IMMP2L: variants seen among roughly 807,000 people sequenced by gnomAD.
IMMP2L encodes the protein mitochondrial inner membrane protease subunit 2.
IMMP2L carries 18 observed loss-of-function variants against 19.3 expected under a neutral mutation model. The observed-to-expected ratio is 0.93, with a 90% CI of 0.64 to 1.38. The LOEUF is 1.38. Among genes scored for constraint, IMMP2L ranks in the 40% most tolerant of loss-of-function variants. The pLI is 0.00. For missense variants in IMMP2L, 233 were observed against 218.2 expected (o/e 1.07, Z -0.43); for synonymous variants, 76 against 73.0 (o/e 1.04, Z -0.21).
intron 3 of IMMP2L, among the ~76,000 whole-genome samples, chr7:110,996,632 T>A (rs969089695): frequency 2.6e-5 from 4 of 152,090 alleles, no homozygotes; most frequent in African/African-American, 9.7e-5. Flanking sequence ...ATATTTAAAA[T>A]CCTCTTTTTT....
intron 3 of IMMP2L, among the ~76,000 whole-genome samples, chr7:111,476,292 A>G (rs1841719826): frequency 6.6e-6 from 1 of 152,174 alleles, no homozygotes; most frequent in South Asian, 2.1e-4. Context: ...TGTTTCACAG[A>G]AAAGAAAATA....
At chr7:111,149,606 G>T (rs757654314) in intron 3 of IMMP2L, among the ~76,000 whole-genome samples, 42 of 151,934 alleles carry the variant, frequency 2.8e-4, no homozygotes, top group Admixed American at 4.6e-4. Flanking sequence ...TAGACTAATT[G>T]GTTCATCTGA....
intron 3 of IMMP2L, among the ~76,000 whole-genome samples, chr7:111,324,641 G>A (rs748967286): frequency 1.5e-4 from 23 of 151,656 alleles, no homozygotes; most frequent in Admixed American, 6.6e-5. Context: ...ATGTTTAAGT[G>A]TAATATATTC....
intron 3 of IMMP2L, among the ~76,000 whole-genome samples, chr7:111,105,835 A>T (rs1427776471): frequency 6.6e-6 from 1 of 151,888 alleles, no homozygotes; most frequent in African/African-American, 2.4e-5. Context: ...TGATAGGGCC[A>T]TTGTCTTTTA....
intron 3 of IMMP2L, among the ~76,000 whole-genome samples, chr7:111,396,857 G>T (rs1448030449): frequency 1.3e-5 from 2 of 151,988 alleles, no homozygotes; most frequent in East Asian, 3.9e-4. Context: ...GGCCGAGGAG[G>T]GCGGATCACA....
chr7:110,886,689 T>TA lies in IMMP2L; in HGVS notation c.311dup (p.Gly105ArgfsTer17). 6.4e-7 allele frequency: 1 copy of TA among 1,559,678 alleles called. No individual in the cohort carries two copies. The highest frequency in any genetic ancestry group is 8.8e-7 in the Non-Finnish European group (1 of 1,131,048). On this transcript the variant is annotated frameshift_variant, in exon 5 of 6. Transcript: ENST00000405709. LOFTEE classifies it high-confidence loss of function. ...CTTTGACATACCGGTTTTTGTGTCC[T>TA]ATGGTTCTGGAAATAAACAGTGTAA...
chr7:110,869,070 G>A (rs1808290016), intron 5 of IMMP2L, among the ~76,000 whole-genome samples: 1 of 152,004 alleles, frequency 6.6e-6, no homozygotes, highest in South Asian at 2.1e-4. Context: ...TATATAAATA[G>A]TTTCTTCAGC....
At position 111,495,267 on chromosome 7, in the gene IMMP2L, T is replaced by C. The variant is rs544939526; in HGVS notation, c.136-7926A>G. Among the ~76,000 whole-genome samples the C allele has an allele frequency of 1.9e-4, 29 of 152,276 alleles. No homozygotes were observed. The South Asian group carries it at 2.5e-3, about 13-fold the overall frequency. ...CACACCTTGTTTTCCTCTGGCTCAG[T>C]TGTATCTCACAAATTGTTTTTTATA... On this transcript the variant is annotated intron_variant, in intron 2 of 5. Transcript: ENST00000405709.
At chr7:110,680,081 G>A (rs538250253) in intron 5 of IMMP2L, among the ~76,000 whole-genome samples, 20 of 152,172 alleles carry the variant, frequency 1.3e-4, no homozygotes, top group African/African-American at 4.8e-4. Flanking sequence ...AGTTCAAGTT[G>A]CTGGCAATTT....
chr7:111,484,613 A>G (rs1192334014), intron 3 of IMMP2L, among the ~76,000 whole-genome samples: 1 of 152,176 alleles, frequency 6.6e-6, no homozygotes, highest in Non-Finnish European at 1.5e-5. Flanking sequence ...ATTATCATCT[A>G]TGTTAAAAAC....
chr7:111,442,068 C>T (rs928158269), intron 3 of IMMP2L, among the ~76,000 whole-genome samples: 2 of 151,442 alleles, frequency 1.3e-5, no homozygotes, highest in East Asian at 1.9e-4. Context: ...ACCCAGGAAG[C>T]GGAGATTGCA....
At chr7:111,441,943 C>A (rs1258707789) in intron 3 of IMMP2L, among the ~76,000 whole-genome samples, 2 of 151,590 alleles carry the variant, frequency 1.3e-5, no homozygotes, top group African/African-American at 2.4e-5. Context: ...TCGAGACCAC[C>A]CTGGCCAACA....
At chr7:110,938,826 A>G (rs890456697) in intron 4 of IMMP2L, among the ~76,000 whole-genome samples, 13 of 152,290 alleles carry the variant, frequency 8.5e-5, no homozygotes, top group African/African-American at 3.1e-4. Context: ...AGAAGATGAG[A>G]TAGCAGGGAG....
chr7:111,331,578 A>G (rs1198510305), intron 3 of IMMP2L, among the ~76,000 whole-genome samples: 2 of 151,948 alleles, frequency 1.3e-5, no homozygotes, highest in Non-Finnish European at 2.9e-5. Flanking sequence ...TCTCACCACA[A>G]AAAAAGGTAT....
At chr7:110,680,075 C>A (rs1756602326) in intron 5 of IMMP2L, among the ~76,000 whole-genome samples, 1 of 152,134 alleles carries the variant, frequency 6.6e-6, no homozygotes, top group South Asian at 2.1e-4. Context: ...AAACAGAGTT[C>A]AAGTTGCTGG....
chr7:110,798,218 T>C (rs1249521771), intron 5 of IMMP2L, among the ~76,000 whole-genome samples: 1 of 151,932 alleles, frequency 6.6e-6, no homozygotes, highest in Non-Finnish European at 1.5e-5. Flanking sequence ...GCACTGTGAT[T>C]AACTAATTCA....
rs201762254 is a variant in IMMP2L at position 111,514,481 on chromosome 7, C to A, written c.135+6832G>T. Among the ~76,000 whole-genome samples the A allele has an allele frequency of 1.1e-4, 16 of 152,058 alleles. No homozygotes were observed. The East Asian group carries it at 2.7e-3, about 26-fold the overall frequency. On this transcript the variant is annotated intron_variant, in intron 2 of 5. Coordinates refer to ENST00000405709, the MANE Select transcript of IMMP2L (RefSeq NM_032549.4). Reference sequence around the variant, plus strand: ...CATGTATACATATGTAACAAACCTGCACATTGTGCACATGTACCCTAAAAC... The same window carrying A: ...CATGTATACATATGTAACAAACCTGAACATTGTGCACATGTACCCTAAAAC...
At chr7:110,912,490 C>T (rs1436391296) in intron 4 of IMMP2L, among the ~76,000 whole-genome samples, 1 of 151,746 alleles carries the variant, frequency 6.6e-6, no homozygotes, top group African/African-American at 2.4e-5. Context: ...AAAATCCAAG[C>T]TCTAGATTAA....
At chr7:110,756,592 C>G (rs1247378691) in intron 5 of IMMP2L, among the ~76,000 whole-genome samples, 2 of 152,054 alleles carry the variant, frequency 1.3e-5, no homozygotes, top group East Asian at 1.9e-4. Context: ...ATGACTGATT[C>G]TGGAATGGGC....
Sources: allele counts gnomAD v4.1 joint callset (sites outside exome capture counted in the v4.1 genomes callset), GRCh38; gene constraint gnomAD v4.1.1; transcripts MANE v1.5; gene names NCBI Gene and HGNC (gene_info 2026-07-23, HGNC 2026-07-21).